UPB1: variants seen among roughly 807,000 people sequenced by gnomAD.
UPB1 encodes the protein beta-ureidopropionase 1.
UPB1 carries 40 observed loss-of-function variants against 49.1 expected under a neutral mutation model. The observed-to-expected ratio is 0.81, with a 90% CI of 0.63 to 1.06. The LOEUF is 1.06. UPB1 is among the 50% of genes least tolerant of loss of function. The probability of loss-of-function intolerance (pLI) is 0.00; values close to 1 mark genes in which losing one functional copy is unlikely to be tolerated. For synonymous variants in UPB1, 207 were observed against 198.2 expected (o/e 1.04, Z -0.38); for missense variants, 499 against 505.9 (o/e 0.99, Z 0.13).
intron 9 of UPB1, among the ~76,000 whole-genome samples, chr22:24,524,259 C>T (rs2044445851): frequency 6.6e-6 from 1 of 152,078 alleles, no homozygotes; most frequent in Admixed American, 6.6e-5. Flanking sequence ...TTAATTAAGC[C>T]CCTTGTGCTC....
chr22:24,510,259 C>T (rs1384847712), intron 3 of UPB1, among the ~76,000 whole-genome samples: 1 of 151,698 alleles, frequency 6.6e-6, no homozygotes, highest in Non-Finnish European at 1.5e-5. Flanking sequence ...AATTTGACTA[C>T]TCTAAATACC....
intron 3 of UPB1, among the ~76,000 whole-genome samples, chr22:24,510,100 C>T (rs141822855): frequency 0.018 from 2,759 of 152,042 alleles, 83 homozygotes; most frequent in African/African-American, 0.062. Flanking sequence ...GGCATGGTGG[C>T]GCATACCTGT....
intron 3 of UPB1, among the ~76,000 whole-genome samples, chr22:24,506,486 T>C (rs187254020): frequency 1.5e-4 from 23 of 152,340 alleles, no homozygotes; most frequent in Middle Eastern, 6.8e-3. Context: ...CTGAGAGATT[T>C]GCCTGCATCT....
chr22:24,500,624 G>GC (rs943313118), intron 2 of UPB1, among the ~76,000 whole-genome samples: 2 of 152,238 alleles, frequency 1.3e-5, no homozygotes, highest in African/African-American at 4.8e-5. Flanking sequence ...GAGGCGGCCA[G>GC]CCAGCACACG....
rs574796443 is a variant in UPB1, at chr22:24,520,491, G to A, written c.873+23G>A. The A allele has an allele frequency of 7.4e-6, 12 of 1,611,816 alleles. No homozygotes were observed. In the Admixed American group the frequency reaches 2.0e-4, roughly 27 times the overall value. ...ACCGTAAGTCCCGAGGTCTGGCTGG[G>A]GAGAGGAGCCACCACCTGGTGGCTC... is the stretch of plus-strand genomic sequence containing the variant. On this transcript the variant is annotated intron_variant, in intron 7 of 9. Transcript: ENST00000326010.
rs2044479898 is a variant in UPB1, at chr22:24,526,226, C to T, written c.*432C>T. 1.1e-5 allele frequency: 3 copies of T among 277,516 alleles called. No individual in the cohort carries two copies. Among genetic ancestry groups the T allele is most frequent in the Admixed American group, 4.9e-5 (1 of 20,310 alleles). 17.2% of individuals were successfully genotyped at this position (277,516 alleles called of 1,614,324 possible). The stretch of plus-strand genomic sequence containing the variant: ...GCAAGGCTGTGGTGGGTCGGATGGT[C>T]TTTGGATGTGTCAGCTTAGCTAGGC... On this transcript the variant is annotated 3_prime_UTR_variant, in exon 10 of 10. Coordinates refer to ENST00000326010, the MANE Select transcript of UPB1 (RefSeq NM_016327.3).
intron 4 of UPB1, 53 bp from the exon 5 acceptor site, chr22:24,513,271 A>C: frequency 6.2e-7 from 1 of 1,613,458 alleles, no homozygotes; most frequent in Non-Finnish European, 8.5e-7. Flanking sequence ...TTGATAAAAA[A>C]CTACAACAAT....
chr22:24,522,144 C>A, intron 8 of UPB1, 116 bp downstream of exon 8: 1 of 1,271,598 alleles, frequency 7.9e-7, no homozygotes, highest in South Asian at 1.3e-5. Flanking sequence ...TGCCTGGCAC[C>A]TAGGAGGAGG....
chr22:24,520,267 C>T (rs936404061), intron 6 of UPB1, 120 bp from the exon 7 acceptor site: 23 of 1,159,288 alleles, frequency 2.0e-5, no homozygotes, highest in Non-Finnish European at 2.8e-5. Flanking sequence ...GCAGCCAGGC[C>T]AGGCTCTGTC....
intron 3 of UPB1, chr22:24,503,130 T>G (rs2044024377): frequency 6.6e-6 from 1 of 152,398 alleles, no homozygotes; most frequent in Non-Finnish European, 1.5e-5. Context: ...CTGAATTATT[T>G]TCTGTTTTCC....
intron 4 of UPB1, among the ~76,000 whole-genome samples, chr22:24,511,619 T>TG (rs140327): frequency 1.1e-5 from 1 of 95,176 alleles, no homozygotes; most frequent in Non-Finnish European, 2.4e-5. Flanking sequence ...TATATATATA[T>TG]TTTTTTTTTT....
chr22:24,520,897 T>A (rs2044378778), intron 7 of UPB1, among the ~76,000 whole-genome samples: 1 of 152,126 alleles, frequency 6.6e-6, no homozygotes, highest in African/African-American at 2.4e-5. Flanking sequence ...AAACCTGATG[T>A]TTTGGCTGGG....
chr22:24,521,882 T>C, intron 7 of UPB1, 104 bp from the exon 8 acceptor site: 1 of 1,214,366 alleles, frequency 8.2e-7, no homozygotes, highest in Non-Finnish European at 1.2e-6. Context: ...CCTGGCTGAC[T>C]CGCCTCTCGG....
At chr22:24,495,579 A>C in intron 1 of UPB1, 72 bp downstream of exon 1, 2 of 1,539,958 alleles carry the variant, frequency 1.3e-6, no homozygotes, top group Non-Finnish European at 1.8e-6. Context: ...GCAGGCAGGG[A>C]GGGCCTCAGG....
chr22:24,514,743 C>T (rs1299802628), intron 5 of UPB1, among the ~76,000 whole-genome samples: 1 of 152,168 alleles, frequency 6.6e-6, no homozygotes, highest in Non-Finnish European at 1.5e-5. Context: ...GAGCTATGCC[C>T]CCTCAGGAAG....
chr22:24,496,241 T>C (rs1056851438), intron 1 of UPB1, among the ~76,000 whole-genome samples: 2 of 152,140 alleles, frequency 1.3e-5, no homozygotes, highest in Non-Finnish European at 1.5e-5. Flanking sequence ...CATGGTAGCA[T>C]GCATCTGTAG....
At chr22:24,495,603 A>T in intron 1 of UPB1, 96 bp downstream of exon 1, 2 of 1,369,564 alleles carry the variant, frequency 1.5e-6, no homozygotes. Flanking sequence ...TGAAGGGCTC[A>T]GGGGAGGCGG....
At chr22:24,496,801 G>A (rs1210422235) in intron 1 of UPB1, among the ~76,000 whole-genome samples, 2 of 294 alleles carry the variant, frequency 6.8e-3, no homozygotes, top group East Asian at 0.045. Context: ...TGAGGACTCT[G>A]GGGCAGGACA....
intron 5 of UPB1, among the ~76,000 whole-genome samples, 168 bp downstream of exon 5, chr22:24,513,653 T>C (rs1258996934): frequency 6.6e-6 from 1 of 152,160 alleles, no homozygotes; most frequent in African/African-American, 2.4e-5. Context: ...TTACCTGACA[T>C]TGCCCTATAT....
Sources: allele counts gnomAD v4.1 joint callset (sites outside exome capture counted in the v4.1 genomes callset), GRCh38; gene constraint gnomAD v4.1.1; transcripts MANE v1.5; gene names NCBI Gene and HGNC (gene_info 2026-07-23, HGNC 2026-07-21).